Variants in MEMO1 observed in about 807,000 individuals in gnomAD.
MEMO1 encodes mediator of cell motility 1, also known as protein MEMO1.
In MEMO1, 6 loss-of-function variants were observed where a neutral mutation model predicts 45.2. The observed-to-expected ratio is 0.13, with a 90% CI of 0.07 to 0.26. The LOEUF (loss-of-function observed/expected upper bound fraction) is 0.26, where lower values mean the gene tolerates loss of function less well. MEMO1 is among the 10% of genes least tolerant of loss of function. The pLI is 1.00. For missense variants in MEMO1, 184 were observed against 370.5 expected (o/e 0.50, Z 4.13); for synonymous variants, 78 against 124.3 (o/e 0.63, Z 2.48).
intron 2 of MEMO1, among the ~76,000 whole-genome samples, chr2:31,994,485 C>T (rs966061650): frequency 6.6e-6 from 1 of 150,434 alleles, no homozygotes; most frequent in Non-Finnish European, 1.5e-5. Context: ...CAAAAATTAG[C>T]CAGGCGTGGT....
chr2:31,874,670 T>C (rs1674299557), intron 8 of MEMO1, among the ~76,000 whole-genome samples: 1 of 152,016 alleles, frequency 6.6e-6, no homozygotes, highest in African/African-American at 2.4e-5. Context: ...TTTTACTCTA[T>C]CAAACTTCCA....
chr2:31,986,155 G>C (rs1272266491), intron 2 of MEMO1, among the ~76,000 whole-genome samples: 2 of 152,134 alleles, frequency 1.3e-5, no homozygotes, highest in African/African-American at 4.8e-5. Flanking sequence ...AGCACTTTGG[G>C]AGGCCGAGGC....
chr2:31,986,540 TTC>T (rs1671286165), intron 2 of MEMO1, among the ~76,000 whole-genome samples: 2 of 152,200 alleles, frequency 1.3e-5, no homozygotes, highest in African/African-American at 2.4e-5. Context: ...CAAAATAATT[TTC>T]TTTCATATAT....
intron 4 of MEMO1, among the ~76,000 whole-genome samples, chr2:31,929,021 C>T (rs924303433): frequency 5.2e-4 from 79 of 152,080 alleles, no homozygotes; most frequent in African/African-American, 1.8e-3. Flanking sequence ...AATTGCTTTC[C>T]TAAAGTATTA....
chr2:31,956,233 A>C (rs1314712052), intron 2 of MEMO1, among the ~76,000 whole-genome samples: 1 of 152,202 alleles, frequency 6.6e-6, no homozygotes, highest in African/African-American at 2.4e-5. Flanking sequence ...AAATCCTAAA[A>C]CAAAAACATA....
chr2:31,996,426 G>A (rs2148573076), intron 2 of MEMO1, among the ~76,000 whole-genome samples: 1 of 152,088 alleles, frequency 6.6e-6, no homozygotes, highest in South Asian at 2.1e-4. Context: ...CACACCCGTA[G>A]TCCCAGCTGA....
chr2:31,911,335 A>G (rs546855772), intron 6 of MEMO1, among the ~76,000 whole-genome samples: 1 of 152,332 alleles, frequency 6.6e-6, no homozygotes, highest in African/African-American at 2.4e-5. Flanking sequence ...CTACTGAGAC[A>G]GTAAACTGAT....
At chr2:31,893,910 G>A (rs1339811718) in intron 6 of MEMO1, among the ~76,000 whole-genome samples, 1 of 151,998 alleles carries the variant, frequency 6.6e-6, no homozygotes, top group African/African-American at 2.4e-5. Context: ...CTTGAATCGA[G>A]GCTCATTTAT....
chr2:31,952,179 G>A (rs549734547), intron 2 of MEMO1, among the ~76,000 whole-genome samples: 3 of 152,112 alleles, frequency 2.0e-5, no homozygotes, highest in South Asian at 2.1e-4. Context: ...CCGACTGTTC[G>A]CCTTTATATA....
At chr2:31,876,480 T>C (rs888103040) in intron 8 of MEMO1, among the ~76,000 whole-genome samples, 4 of 152,186 alleles carry the variant, frequency 2.6e-5, no homozygotes, top group African/African-American at 7.2e-5. Context: ...AATTAACACA[T>C]ATCTCCTCCA....
At chr2:31,892,255 A>G (rs918225098) in intron 6 of MEMO1, 121 bp from the exon 7 acceptor site, 34 of 811,244 alleles carry the variant, frequency 4.2e-5, no homozygotes, top group Non-Finnish European at 6.3e-5. Context: ...ATATGTAATT[A>G]TTATTGATGA....
intron 2 of MEMO1, among the ~76,000 whole-genome samples, chr2:31,959,842 T>C (rs1318532769): frequency 6.6e-6 from 1 of 152,222 alleles, no homozygotes; most frequent in Non-Finnish European, 1.5e-5. Context: ...AAAGTCAGTA[T>C]TCAAGTATCT....
At chr2:31,950,766 T>C (rs1249790068) in intron 2 of MEMO1, among the ~76,000 whole-genome samples, 1 of 149,990 alleles carries the variant, frequency 6.7e-6, no homozygotes, top group Non-Finnish European at 1.5e-5. Flanking sequence ...AAGTAAAAAA[T>C]TTAAAAAACA....
At chr2:31,929,556 C>A (rs1683637879) in intron 4 of MEMO1, among the ~76,000 whole-genome samples, 1 of 152,134 alleles carries the variant, frequency 6.6e-6, no homozygotes, top group Admixed American at 6.5e-5. Flanking sequence ...AGCAGAGGTT[C>A]TAAACCAATT....
chr2:31,906,663 CCTTTGCTAAGAA>C (rs1679795553), intron 6 of MEMO1, among the ~76,000 whole-genome samples: 1 of 152,124 alleles, frequency 6.6e-6, no homozygotes. Context: ...ATCACTCCTT[CCTTTGCTAAGAA>C]CTTTTATTAG....
chr2:31,913,516 AGTTT>A (rs1378557141), intron 6 of MEMO1, among the ~76,000 whole-genome samples: 1 of 144,844 alleles, frequency 6.9e-6, no homozygotes, highest in African/African-American at 2.6e-5. Flanking sequence ...GATGATTAAG[AGTTT>A]TTTTTTTTTT....
intron 6 of MEMO1, among the ~76,000 whole-genome samples, chr2:31,912,513 CAA>C (rs752295550): frequency 2.5e-4 from 15 of 60,544 alleles, no homozygotes; most frequent in Non-Finnish European, 3.8e-4. Context: ...AACTCTGTCT[CAA>C]AAAAAAAAAA....
At chr2:31,923,641 G>A in intron 4 of MEMO1, 2 of 1,547,132 alleles carry the variant, frequency 1.3e-6, no homozygotes, top group Non-Finnish European at 1.7e-6. Flanking sequence ...TATGAACCAA[G>A]AATCAAATAA....
chr2:31,895,219 A>G (rs967409942), intron 6 of MEMO1, among the ~76,000 whole-genome samples: 4 of 152,238 alleles, frequency 2.6e-5, no homozygotes, highest in South Asian at 2.1e-4. Flanking sequence ...AAAAGAAATT[A>G]TAAGTCATGC....
Sources: gnomAD v4.1 joint callset for allele counts (sites outside exome capture counted in the v4.1 genomes callset) on GRCh38, gnomAD v4.1.1 for gene constraint, MANE v1.5 for transcripts, NCBI Gene and HGNC (gene_info 2026-07-23, HGNC 2026-07-21) for gene names.